Variants in CFAP47 observed in about 807,000 individuals in gnomAD.
CFAP47 encodes cilia- and flagella-associated protein 47.
CFAP47 carries 29 observed loss-of-function variants against 148.1 expected under a neutral mutation model. That is an observed-to-expected ratio of 0.20 (90% CI 0.15 to 0.27). The LOEUF (loss-of-function observed/expected upper bound fraction) is 0.27, where lower values mean the gene tolerates loss of function less well. Ranked by LOEUF, CFAP47 falls within the 10% of genes least tolerant of loss-of-function variation. CFAP47 has a pLI of 1.00. For synonymous variants in CFAP47, 664 were observed against 577.3 expected, an observed-to-expected ratio of 1.15 and a Z score of -2.15; for missense variants, 1,872 against 1,697.5, an observed-to-expected ratio of 1.10 and a Z score of -1.81.
intron 41 of CFAP47, among the ~76,000 whole-genome samples, chrX:36,189,027 G>A (rs1197895115): frequency 9.0e-6 from 1 of 111,537 alleles, no homozygotes; most frequent in African/African-American, 3.3e-5. Context: ...GTTTAGAGTT[G>A]TAAGGGGAGC....
intron 15 of CFAP47, among the ~76,000 whole-genome samples, chrX:35,987,025 G>T (rs781485946): frequency 9.0e-6 from 1 of 111,375 alleles, no homozygotes; most frequent in Non-Finnish European, 1.9e-5. Flanking sequence ...AAGCCCTCCC[G>T]CATGAGGTGT....
intron 44 of CFAP47, among the ~76,000 whole-genome samples, chrX:36,202,505 A>G (rs1939992189): frequency 9.1e-6 from 1 of 110,061 alleles, no homozygotes; most frequent in African/African-American, 3.3e-5. Context: ...TGTCTTCCCC[A>G]TGGCCTTTGA....
chrX:35,956,160 T>C lies in CFAP47; in HGVS notation c.1374T>C (p.Asp458=). The C allele has an allele frequency of 8.3e-7, 1 of 1,210,634 alleles. No homozygotes were observed. The highest frequency in any genetic ancestry group is 1.1e-6 in the Non-Finnish European group (1 of 894,456). Residue 458 remains aspartate (D), a synonymous_variant, in exon 8 of 64, where the codon GAT becomes GAC. Transcript: ENST00000378653. ...AAAAAACTGCAAATTTTGAAATTGA[T>C]CCTGAAAAGGGCAAGATTACTGGAG... The part of the protein sequence containing the change: ...HFKKTANFEI[D]PEKGKITGGG...
intron 26 of CFAP47, among the ~76,000 whole-genome samples, chrX:36,051,144 A>T (rs113116503): frequency 0.15 from 16,162 of 111,153 alleles, 1,176 homozygotes; most frequent in East Asian, 0.3. Context: ...GGAAATGTGG[A>T]ATCAGAGCCC....
chrX:36,231,010 G>A (rs1940346717), intron 46 of CFAP47, among the ~76,000 whole-genome samples: 1 of 104,836 alleles, frequency 9.5e-6, no homozygotes, highest in South Asian at 4.3e-4. Flanking sequence ...TTTAGTTACT[G>A]TAGCCTTGTA....
intron 41 of CFAP47, among the ~76,000 whole-genome samples, chrX:36,189,565 A>G (rs782552042): frequency 8.0e-5 from 9 of 112,030 alleles, no homozygotes; most frequent in Non-Finnish European, 1.3e-4. Flanking sequence ...GGCCCACTAC[A>G]TCATCATATT....
intron 49 of CFAP47, among the ~76,000 whole-genome samples, chrX:36,260,194 G>A (rs1264365570): frequency 3.6e-5 from 4 of 111,544 alleles, no homozygotes; most frequent in Non-Finnish European, 7.5e-5. Context: ...TAAACAATAT[G>A]AGCACATAAA....
chrX:36,195,021 A>G (rs1167114541), intron 42 of CFAP47, among the ~76,000 whole-genome samples: 1 of 112,638 alleles, frequency 8.9e-6, no homozygotes, highest in Non-Finnish European at 1.9e-5. Flanking sequence ...TGAATTAGAA[A>G]AATGCATCTC....
chrX:36,029,808 T>G (rs1248707270), intron 22 of CFAP47, among the ~76,000 whole-genome samples: 3 of 110,750 alleles, frequency 2.7e-5, no homozygotes, highest in Non-Finnish European at 5.7e-5. Flanking sequence ...CTCATCTTTT[T>G]ATTGAATTTC....
At chrX:36,056,102 G>A (rs766378047) in intron 26 of CFAP47, among the ~76,000 whole-genome samples, 3 of 111,462 alleles carry the variant, frequency 2.7e-5, no homozygotes, top group Non-Finnish European at 5.7e-5. Context: ...CTGCCATTCT[G>A]TAGGTTGTCT....
At chrX:36,290,762 C>T (rs1556005449) in intron 51 of CFAP47, among the ~76,000 whole-genome samples, 1 of 112,402 alleles carries the variant, frequency 8.9e-6, no homozygotes, top group Non-Finnish European at 1.9e-5. Flanking sequence ...TTAAGGCTTT[C>T]TAAATTCCAG....
chrX:36,108,954 A>G (rs1938509483), intron 33 of CFAP47, among the ~76,000 whole-genome samples: 1 of 109,569 alleles, frequency 9.1e-6, no homozygotes, highest in African/African-American at 3.3e-5. Flanking sequence ...CCCTCCTCCC[A>G]TCCTCCACCC....
At chrX:36,254,649 T>A (rs1940729603) in intron 49 of CFAP47, among the ~76,000 whole-genome samples, 1 of 110,289 alleles carries the variant, frequency 9.1e-6, no homozygotes, top group Non-Finnish European at 1.9e-5. Context: ...ATCTGAGAGG[T>A]GATCAGGAGA....
intron 46 of CFAP47, among the ~76,000 whole-genome samples, chrX:36,235,177 A>G (rs1940438888): frequency 9.0e-6 from 1 of 111,523 alleles, no homozygotes; most frequent in African/African-American, 3.3e-5. Context: ...AAGTCTGCAG[A>G]GGTTACTGCT....
At chrX:36,231,161 A>T (rs1193111817) in intron 46 of CFAP47, among the ~76,000 whole-genome samples, 1 of 111,681 alleles carries the variant, frequency 9.0e-6, no homozygotes, top group Non-Finnish European at 1.9e-5. Context: ...AGGCATTGGT[A>T]GCTTGATGGG....
chrX:35,967,417 G>A (rs772232171), intron 9 of CFAP47, among the ~76,000 whole-genome samples: 6 of 110,441 alleles, frequency 5.4e-5, no homozygotes, highest in African/African-American at 2.0e-4. Flanking sequence ...TTTTATATAT[G>A]CATTTTTATT....
At chrX:36,316,722 G>A (rs1941436731) in intron 56 of CFAP47, among the ~76,000 whole-genome samples, 1 of 111,696 alleles carries the variant, frequency 9.0e-6, no homozygotes, top group South Asian at 3.7e-4. Flanking sequence ...TTATATTTTT[G>A]TGACATACCC....
intron 24 of CFAP47, among the ~76,000 whole-genome samples, chrX:36,037,872 T>A (rs1012194568): frequency 8.9e-6 from 1 of 111,977 alleles, no homozygotes; most frequent in African/African-American, 3.2e-5. Flanking sequence ...AATACATACA[T>A]TCTCTTATAG....
At chrX:36,044,585 G>A (rs1465369323) in intron 25 of CFAP47, among the ~76,000 whole-genome samples, 1 of 112,255 alleles carries the variant, frequency 8.9e-6, no homozygotes, top group Non-Finnish European at 1.9e-5. Flanking sequence ...CTTTGCTAAA[G>A]CATAGCATGA....
Sources: allele counts gnomAD v4.1 joint callset (sites outside exome capture counted in the v4.1 genomes callset), GRCh38; gene constraint gnomAD v4.1.1; transcripts MANE v1.5; gene names NCBI Gene and HGNC (gene_info 2026-07-23, HGNC 2026-07-21).